ADCY10: variants seen among roughly 807,000 people sequenced by gnomAD.
The protein encoded by ADCY10 is adenylate cyclase 10.
Under a neutral mutation model 183.3 loss-of-function variants are expected in ADCY10, and 156 were observed. The observed-to-expected ratio is 0.85, with a 90% CI of 0.75 to 0.97. ADCY10 has a LOEUF of 0.97. ADCY10 is among the 50% of genes least tolerant of loss of function. The probability of loss-of-function intolerance (pLI) is 0.00; values close to 1 mark genes in which losing one functional copy is unlikely to be tolerated. For synonymous variants in ADCY10, 645 were observed against 670.0 expected (o/e 0.96, Z 0.58); for missense variants, 1,745 against 1,934.3 (o/e 0.90, Z 1.84).
At chr1:167,841,599 T>C (rs1043014655) in intron 21 of ADCY10, among the ~76,000 whole-genome samples, 3 of 146,638 alleles carry the variant, frequency 2.0e-5, no homozygotes, top group African/African-American at 7.7e-5. Flanking sequence ...TCTCAAACTT[T>C]CGGGCTCAAG....
intron 21 of ADCY10, among the ~76,000 whole-genome samples, chr1:167,844,836 C>A (rs1664887262): frequency 6.6e-6 from 1 of 152,114 alleles, no homozygotes; most frequent in Admixed American, 6.5e-5. Flanking sequence ...CCAGATTTAG[C>A]CATAATCACC....
Position 167,905,046 on chromosome 1 carries a change from T to C in ADCY10, c.95A>G (p.Glu32Gly), listed in dbSNP as rs1669719462. 8.1e-6 allele frequency: 13 copies of C among 1,614,202 alleles called. No homozygotes were observed. The highest frequency in any genetic ancestry group is 1.1e-5 in the Non-Finnish European group (13 of 1,180,042). ...GTCAAAATAATCCATAAAGGGTCGC[T>C]CTGGGGAGAAATGTCCATAGACAAT... is the stretch of plus-strand genomic sequence containing the variant. Reference protein sequence around the residue: ...DLIVYGHFSPERPFMDYFDGV... With the variant: ...DLIVYGHFSPGRPFMDYFDGV... The change falls in exon 2 of 33, where the codon GAG (glutamate) becomes GGG (glycine). Residue 32 changes from glutamate (E) to glycine (G), a missense_variant. By Grantham distance (98) the Glu-to-Gly change is moderately conservative. Transcript: ENST00000367851.
chr1:167,819,849 G>C, intron 30 of ADCY10: 1 of 720,834 alleles, frequency 1.4e-6, no homozygotes, highest in Non-Finnish European at 2.5e-6. Flanking sequence ...ACAGGTGTCA[G>C]CCACCGCGCC....
rs546727290 is a variant in ADCY10, at chr1:167,820,206, C to A, written c.4286+1818G>T. 6.5e-5 allele frequency: 100 copies of A among 1,543,018 alleles called. No homozygotes were observed. The African/African-American group carries it at 1.3e-3, about 20-fold the overall frequency. On this transcript the variant is annotated intron_variant, in intron 30 of 32. Coordinates refer to ENST00000367851, the MANE Select transcript of ADCY10 (RefSeq NM_018417.6). ...GCGGCCGCAGCTCCCGAGGCTGCGA[C>A]GGCTTCTCCTCGTTCCACAGGGCCC...
At chr1:167,896,349 G>T (rs1159641759) in intron 7 of ADCY10, among the ~76,000 whole-genome samples, 1 of 152,202 alleles carries the variant, frequency 6.6e-6, no homozygotes, top group Non-Finnish European at 1.5e-5. Flanking sequence ...TATCCTAGGG[G>T]ATACTTATTA....
rs1354426897 is a variant in ADCY10, at chr1:167,859,827, A to T, written c.1876T>A (p.Phe626Ile). ...CTTACCAGCTTCAAGATCTTCATAAACAATATTTCCAATTGTTTTTGCTTT... is the reference window on the plus strand; with the variant it reads ...CTTACCAGCTTCAAGATCTTCATAATCAATATTTCCAATTGTTTTTGCTTT... ...LKKQKQLEIL[F>I]MKILKLIVKE... Residue 626 changes from phenylalanine to isoleucine, a missense_variant, in exon 16 of 33, where the codon TTT becomes ATT. Coordinates refer to ENST00000367851, the MANE Select transcript of ADCY10 (RefSeq NM_018417.6). 1 of 1,613,642 alleles carries T rather than the reference A, an allele frequency of 6.2e-7. No homozygotes were observed. The highest frequency in any genetic ancestry group is 8.5e-7 in the Non-Finnish European group (1 of 1,179,612).
chr1:167,845,663 G>T lies in ADCY10; in HGVS notation c.2907C>A (p.Gly969=), dbSNP rs771765939. 3 of 1,614,284 alleles carry T rather than the reference G, an allele frequency of 1.9e-6. No individual in the cohort carries two copies. In the South Asian group the frequency reaches 3.3e-5, roughly 18 times the overall value. The change falls in exon 21 of 33, where the codon GGC becomes GGA. Residue 969 remains glycine (G), a synonymous_variant. Transcript: ENST00000367851. ...AGTGATGATAGGGAATGAAGTCCCT[G>T]CCTCGGCAGTGGTCACATCTGTGGG... ...EDAHRCDHCR[G]RDFIPYHHFT... is the part of the protein sequence containing the mutation.
chr1:167,902,275 T>G (rs1669486287), intron 3 of ADCY10, among the ~76,000 whole-genome samples: 1 of 152,134 alleles, frequency 6.6e-6, no homozygotes, highest in South Asian at 2.1e-4. Context: ...TATGCTCCAT[T>G]TCTGTGAATG....
intron 8 of ADCY10, among the ~76,000 whole-genome samples, chr1:167,886,697 A>C (rs10918794): frequency 0.29 from 43,721 of 152,104 alleles, 6,395 homozygotes; most frequent in Middle Eastern, 0.4. Flanking sequence ...ATTGACAAAC[A>C]GGATCCAATT....
intron 14 of ADCY10, among the ~76,000 whole-genome samples, chr1:167,862,872 C>T (rs1666378496): frequency 6.6e-6 from 1 of 152,158 alleles, no homozygotes; most frequent in Non-Finnish European, 1.5e-5. Context: ...TCATTATTGT[C>T]CTGGTCATCA....
intron 14 of ADCY10, among the ~76,000 whole-genome samples, chr1:167,865,797 G>T (rs1053413795): frequency 1.3e-5 from 2 of 152,190 alleles, no homozygotes; most frequent in Non-Finnish European, 2.9e-5. Context: ...TGTTATGCTT[G>T]TGCACATGGC....
At chr1:167,896,980 T>C (rs1321998245) in intron 6 of ADCY10, among the ~76,000 whole-genome samples, 2 of 152,168 alleles carry the variant, frequency 1.3e-5, no homozygotes, top group Non-Finnish European at 2.9e-5. Flanking sequence ...TCCTGCTTTT[T>C]TTCCTTCATA....
At chr1:167,887,010 C>T (rs1166965745) in intron 8 of ADCY10, among the ~76,000 whole-genome samples, 1 of 152,162 alleles carries the variant, frequency 6.6e-6, no homozygotes, top group Non-Finnish European at 1.5e-5. Context: ...CATCTCACAC[C>T]AGTTAGAATG....
At chr1:167,880,054 G>T in intron 11 of ADCY10, 61 bp downstream of exon 11, 2 of 1,444,264 alleles carry the variant, frequency 1.4e-6, no homozygotes, top group Non-Finnish European at 1.9e-6. Flanking sequence ...CTCCCGCAAA[G>T]CCCAGTGGCA....
At chr1:167,868,552 C>T (rs949520300) in intron 14 of ADCY10, among the ~76,000 whole-genome samples, 6 of 152,048 alleles carry the variant, frequency 3.9e-5, no homozygotes, top group Admixed American at 3.3e-4. Context: ...AGAATTCCAC[C>T]GGGACTAGAC....
intron 26 of ADCY10, among the ~76,000 whole-genome samples, chr1:167,828,030 T>C (rs902894940): frequency 6.6e-6 from 1 of 152,172 alleles, no homozygotes; most frequent in African/African-American, 2.4e-5. Context: ...CAGGCATTAT[T>C]TGTGACAGGA....
intron 17 of ADCY10, among the ~76,000 whole-genome samples, chr1:167,855,934 T>A (rs1221528981): frequency 2.0e-5 from 3 of 152,014 alleles, no homozygotes; most frequent in Non-Finnish European, 4.4e-5. Flanking sequence ...GCCCAGGAGG[T>A]CAAGGCTGCA....
intron 5 of ADCY10, among the ~76,000 whole-genome samples, chr1:167,900,393 G>T (rs1669319243): frequency 6.6e-6 from 1 of 152,154 alleles, no homozygotes; most frequent in South Asian, 2.1e-4. Flanking sequence ...CTCACTAACA[G>T]CCAATCAGCA....
chr1:167,902,200 G>A (rs1249060040), intron 3 of ADCY10, 146 bp from the exon 4 acceptor site: 2 of 834,806 alleles, frequency 2.4e-6, no homozygotes, highest in Non-Finnish European at 3.9e-6. Context: ...TCCCAGACAA[G>A]CCACTTAACC....
Sources: allele counts gnomAD v4.1 joint callset (sites outside exome capture counted in the v4.1 genomes callset), GRCh38; gene constraint gnomAD v4.1.1; transcripts MANE v1.5; gene names NCBI Gene and HGNC (gene_info 2026-07-23, HGNC 2026-07-21).